The following WWC2 variants were observed in gnomAD, a reference collection of about 807,000 sequenced individuals.
WWC2 encodes protein WWC2.
WWC2 carries 101 observed loss-of-function variants against 138.5 expected under a neutral mutation model. That is an observed-to-expected ratio of 0.73 (90% CI 0.62 to 0.86). WWC2 has a LOEUF of 0.86. WWC2 is among the 40% of genes least tolerant of loss of function. The pLI is 0.00. For synonymous variants in WWC2, 558 were observed against 538.4 expected (o/e 1.04, Z -0.50); for missense variants, 1,420 against 1,419.4 (o/e 1.00, Z -0.01).
At chr4:183,205,450 T>G (rs542221052) in intron 2 of WWC2, among the ~76,000 whole-genome samples, 1 of 152,308 alleles carries the variant, frequency 6.6e-6, no homozygotes, top group East Asian at 1.9e-4. Flanking sequence ...CTTTCTACAT[T>G]TCGAGATCTG....
intron 4 of WWC2, among the ~76,000 whole-genome samples, chr4:183,237,617 T>G (rs778200771): frequency 6.6e-5 from 10 of 152,156 alleles, no homozygotes. Context: ...CTCTTTGTAT[T>G]TATAAACTGG....
chr4:183,117,491 G>C (rs1732451807), intron 1 of WWC2, among the ~76,000 whole-genome samples: 1 of 152,068 alleles, frequency 6.6e-6, no homozygotes, highest in Non-Finnish European at 1.5e-5. Context: ...AAAGTGCTGG[G>C]ATTACAGGCA....
At chr4:183,281,751 A>G (rs1407913562) in intron 17 of WWC2, among the ~76,000 whole-genome samples, 1 of 152,180 alleles carries the variant, frequency 6.6e-6, no homozygotes, top group East Asian at 1.9e-4. Flanking sequence ...TTGTCCTTAT[A>G]AAAAGTCCTT....
chr4:183,114,432 A>C (rs1162263162), intron 1 of WWC2, among the ~76,000 whole-genome samples: 3 of 152,184 alleles, frequency 2.0e-5, no homozygotes, highest in African/African-American at 7.2e-5. Context: ...GAAGACATAC[A>C]AATAGAGAAA....
At chr4:183,271,691 A>G (rs1026036240) in intron 16 of WWC2, among the ~76,000 whole-genome samples, 2 of 152,204 alleles carry the variant, frequency 1.3e-5, no homozygotes, top group Admixed American at 6.5e-5. Flanking sequence ...ATCAATAGCC[A>G]TAAGTATTTT....
chr4:183,192,545 A>T (rs1044996319), intron 1 of WWC2, among the ~76,000 whole-genome samples: 3 of 152,196 alleles, frequency 2.0e-5, no homozygotes, highest in Non-Finnish European at 2.9e-5. Context: ...CAGGCCTGGA[A>T]AAAAAGAATT....
chr4:183,152,025 T>C (rs914120436), intron 1 of WWC2, among the ~76,000 whole-genome samples: 1 of 152,182 alleles, frequency 6.6e-6, no homozygotes, highest in African/African-American at 2.4e-5. Flanking sequence ...TTAACCTCAG[T>C]GTCGTAACTG....
chr4:183,137,199 A>T (rs1044686214), intron 1 of WWC2, among the ~76,000 whole-genome samples: 1 of 152,040 alleles, frequency 6.6e-6, no homozygotes, highest in Non-Finnish European at 1.5e-5. Context: ...TTATTAAAAA[A>T]TTTTTCTTCA....
chr4:183,183,234 A>G (rs1482384083), intron 1 of WWC2, among the ~76,000 whole-genome samples: 2 of 152,186 alleles, frequency 1.3e-5, no homozygotes, highest in Non-Finnish European at 2.9e-5. Context: ...GGTTTGTTGC[A>G]TAGGTAAACG....
chr4:183,280,921 G>C, intron 17 of WWC2, 24 bp downstream of exon 17: 6 of 1,544,068 alleles, frequency 3.9e-6, no homozygotes, highest in Non-Finnish European at 5.2e-6. Flanking sequence ...TTCCTTTGCT[G>C]TTGGGAGCTC....
intron 11 of WWC2, among the ~76,000 whole-genome samples, chr4:183,264,700 A>G (rs987431203): frequency 2.6e-5 from 4 of 152,218 alleles, no homozygotes; most frequent in African/African-American, 7.2e-5. Context: ...CTAAGGACCA[A>G]TGAGAATTTG....
chr4:183,253,465 C>T (rs1460966010), intron 8 of WWC2, among the ~76,000 whole-genome samples: 2 of 152,158 alleles, frequency 1.3e-5, no homozygotes, highest in African/African-American at 2.4e-5. Context: ...GCTTTTGAAG[C>T]CTCTGTGTAC....
intron 20 of WWC2, among the ~76,000 whole-genome samples, chr4:183,288,149 A>G (rs1358933377): frequency 1.3e-5 from 2 of 152,176 alleles, no homozygotes; most frequent in African/African-American, 4.8e-5. Flanking sequence ...GGAACCTAAT[A>G]AGAAGAATGT....
intron 1 of WWC2, among the ~76,000 whole-genome samples, chr4:183,141,609 G>C (rs1733301996): frequency 6.6e-6 from 1 of 152,100 alleles, no homozygotes; most frequent in Non-Finnish European, 1.5e-5. Flanking sequence ...CAAGTGGCTA[G>C]ATTCACCTTT....
Position 183,099,548 on chromosome 4 carries a change from CAG to C in WWC2, c.58_59del (p.Arg20GlyfsTer10). On this transcript the variant is annotated frameshift_variant, in exon 1 of 23. Coordinates refer to ENST00000403733, the MANE Select transcript of WWC2 (RefSeq NM_024949.6). LOFTEE classifies it high-confidence loss of function. ...LPLPRGWEEA[R>X]DYDGKVFYID... ...CGCTGCCCCGGGGCTGGGAGGAGGC[CAG>C]GGACTACGACGGCAAGGTCTTCTAC... The C allele has an allele frequency of 7.0e-7, 1 of 1,421,534 alleles. No homozygotes were observed. The highest frequency in any genetic ancestry group is 9.3e-7 in the Non-Finnish European group (1 of 1,071,628). The allele number at this position is 1,421,534 out of a possible 1,614,324, so 88.1% of individuals were successfully genotyped here.
intron 17 of WWC2, 36 bp downstream of exon 17, chr4:183,280,933 A>G: frequency 6.5e-7 from 1 of 1,538,838 alleles, no homozygotes; most frequent in East Asian, 2.4e-5. Flanking sequence ...TGGGAGCTCA[A>G]AGATGATGTG....
rs1739439342 is a variant in WWC2 at position 183,316,357 on chromosome 4, C to T, written c.*628C>T. On this transcript the variant is annotated 3_prime_UTR_variant, in exon 23 of 23. Coordinates refer to ENST00000403733, the MANE Select transcript of WWC2 (RefSeq NM_024949.6). ...AAACTAAGATATAAACTACCAAGTG[C>T]TCTTAAGAATAAAAATAAGAATAAG... 1 of 152,240 alleles carries T rather than the reference C, an allele frequency of 6.6e-6. No individual in the cohort carries two copies. The highest frequency in any genetic ancestry group is 6.5e-5 in the Admixed American group (1 of 15,284). 9.4% of individuals were successfully genotyped at this position (152,240 alleles called of 1,614,324 possible).
At chr4:183,146,623 C>A (rs530498233) in intron 1 of WWC2, among the ~76,000 whole-genome samples, 1 of 152,158 alleles carries the variant, frequency 6.6e-6, no homozygotes, top group Non-Finnish European at 1.5e-5. Context: ...ACAGGCTGGC[C>A]TGCTCATGTG....
At chr4:183,115,448 A>G (rs950780720) in intron 1 of WWC2, among the ~76,000 whole-genome samples, 1 of 152,170 alleles carries the variant, frequency 6.6e-6, no homozygotes, top group African/African-American at 2.4e-5. Flanking sequence ...GAAATCTCCA[A>G]ACTGCTTTCC....
Sources: gnomAD v4.1 joint callset for allele counts (sites outside exome capture counted in the v4.1 genomes callset) on GRCh38, gnomAD v4.1.1 for gene constraint, MANE v1.5 for transcripts, NCBI Gene and HGNC (gene_info 2026-07-23, HGNC 2026-07-21) for gene names.